Variants in FRMD6 observed in about 807,000 individuals in gnomAD.
The protein encoded by FRMD6 is FERM domain-containing protein 6.
In FRMD6, 37 loss-of-function variants were observed where a neutral mutation model predicts 73.2. That is an observed-to-expected ratio of 0.51 (90% confidence interval 0.39 to 0.66). FRMD6 has a LOEUF of 0.66. Ranked by LOEUF, FRMD6 falls within the 30% of genes least tolerant of loss-of-function variation. The pLI is 0.00. For missense variants in FRMD6, 714 were observed against 780.5 expected (o/e 0.91, Z 1.02); for synonymous variants, 273 against 282.2 (o/e 0.97, Z 0.33).
intron 1 of FRMD6, among the ~76,000 whole-genome samples, chr14:51,517,127 A>C (rs752809527): frequency 6.6e-6 from 1 of 152,226 alleles, no homozygotes; most frequent in African/African-American, 2.4e-5. Context: ...AAAATGCCTA[A>C]AATTTGGAAC....
intron 2 of FRMD6, among the ~76,000 whole-genome samples, chr14:51,618,837 T>C (rs1890810376): frequency 6.6e-6 from 1 of 151,476 alleles, no homozygotes; most frequent in South Asian, 2.1e-4. Flanking sequence ...TATAATACAA[T>C]TATAAATGTA....
intron 2 of FRMD6, among the ~76,000 whole-genome samples, chr14:51,694,929 T>C (rs1431268992): frequency 2.6e-5 from 4 of 152,102 alleles, no homozygotes; most frequent in African/African-American, 9.7e-5. Flanking sequence ...TATTTAATTA[T>C]AGTTTTTGAA....
At chr14:51,611,867 T>C (rs1421976812) in intron 2 of FRMD6, among the ~76,000 whole-genome samples, 1 of 152,166 alleles carries the variant, frequency 6.6e-6, no homozygotes, top group Non-Finnish European at 1.5e-5. Context: ...TGAAACATTA[T>C]GCTAATGAAG....
At chr14:51,484,507 C>T (rs533410269), upstream of FRMD6, among the ~76,000 whole-genome samples, 8 of 152,224 alleles carry the variant, frequency 5.3e-5, no homozygotes, top group African/African-American at 1.7e-4. Flanking sequence ...CTACCACCAC[C>T]AGAATAGCCA....
At chr14:51,615,472 A>T (rs965133335) in intron 2 of FRMD6, among the ~76,000 whole-genome samples, 6 of 152,180 alleles carry the variant, frequency 3.9e-5, no homozygotes, top group Non-Finnish European at 7.4e-5. Context: ...ATGTCCCAAG[A>T]ATTGCCCCAG....
At chr14:51,557,581 T>C (rs1343056406) in intron 1 of FRMD6, among the ~76,000 whole-genome samples, 1 of 152,128 alleles carries the variant, frequency 6.6e-6, no homozygotes, top group East Asian at 1.9e-4. Context: ...GAAACATAAA[T>C]TCAGGACATC....
chr14:51,458,274 C>G, the FRMD6 span, among the ~76,000 whole-genome samples: 2 of 152,180 alleles, frequency 1.3e-5, no homozygotes, highest in Non-Finnish European at 1.5e-5. Flanking sequence ...CCTCTCACCC[C>G]TACCCCAATC....
chr14:51,506,186 C>G (rs780241055), intron 1 of FRMD6, among the ~76,000 whole-genome samples: 3 of 152,174 alleles, frequency 2.0e-5, no homozygotes, highest in Non-Finnish European at 2.9e-5. Flanking sequence ...CTTCACCATT[C>G]CATCAGATCT....
chr14:51,682,995 C>T lies in FRMD6; in HGVS notation c.-146-6696C>T, dbSNP rs537825058. The stretch of plus-strand genomic sequence containing the variant: ...GCAGACTAAAACAGATGTCCTCTAC[C>T]TTCCATTCTTTGGTCAGCCAGCACA... On this transcript the variant is annotated intron_variant, in intron 1 of 13. Coordinates refer to ENST00000344768, the MANE Select transcript of FRMD6 (RefSeq NM_001267046.2). Among the ~76,000 whole-genome samples the T allele has an allele frequency of 3.3e-5, 5 of 152,290 alleles. No homozygotes were observed. In the South Asian group the frequency reaches 1.0e-3, roughly 32 times the overall value.
the FRMD6 span, among the ~76,000 whole-genome samples, chr14:51,441,446 T>C: frequency 1.3e-5 from 2 of 152,190 alleles, no homozygotes; most frequent in African/African-American, 4.8e-5. Context: ...GAAACTGAGG[T>C]TGAGAGTTGT....
At chr14:51,503,245 T>G (rs912812982) in intron 1 of FRMD6, among the ~76,000 whole-genome samples, 1 of 152,004 alleles carries the variant, frequency 6.6e-6, no homozygotes, top group African/African-American at 2.4e-5. Context: ...TGAATAGGAG[T>G]GGTGAGAGGG....
At chr14:51,726,404 C>G (rs1403303322) in intron 13 of FRMD6, among the ~76,000 whole-genome samples, 1 of 152,138 alleles carries the variant, frequency 6.6e-6, no homozygotes, top group East Asian at 1.9e-4. Context: ...GGCCCTAATT[C>G]CTGAGCACTT....
intron 2 of FRMD6, among the ~76,000 whole-genome samples, chr14:51,631,810 C>T (rs1195354414): frequency 6.6e-6 from 1 of 152,130 alleles, no homozygotes; most frequent in African/African-American, 2.4e-5. Flanking sequence ...TAGTTAACAC[C>T]ACAGGGTCTA....
rs28493207 is a variant in FRMD6 at position 51,658,664 on chromosome 14, G to T, written c.-147+6668G>T. Among the ~76,000 whole-genome samples, 780 of 152,148 alleles carry T rather than the reference G, an allele frequency of 5.1e-3. 3 individuals carry two copies. Among genetic ancestry groups the T allele is most frequent in the African/African-American group, 0.017 (723 of 41,488 alleles). The stretch of plus-strand genomic sequence containing the variant: ...CTACTGAGAGCAGCAGTGAAATTCT[G>T]ACGCTAAAATCTGTGGCAGTCTCCA... On this transcript the variant is annotated intron_variant, in intron 1 of 13. Transcript: ENST00000344768.
intron 2 of FRMD6, among the ~76,000 whole-genome samples, chr14:51,591,095 A>G (rs935280370): frequency 1.3e-5 from 2 of 151,854 alleles, no homozygotes; most frequent in Non-Finnish European, 2.9e-5. Context: ...TTGTTTTCGT[A>G]TAAAATTGGA....
At chr14:51,662,119 A>G (rs982891376) in intron 1 of FRMD6, among the ~76,000 whole-genome samples, 1 of 152,214 alleles carries the variant, frequency 6.6e-6, no homozygotes, top group Non-Finnish European at 1.5e-5. Flanking sequence ...TATCTTGAAA[A>G]TACTCATACT....
In FRMD6 at chr14:51,705,034, T is replaced by G. The variant is rs116804133; in HGVS notation, c.558+99T>G. ...TCTTTAAGAAATGGGAACACAGATG[T>G]TCTGTGGCCAAATTCTTTGTGATGC... On this transcript the variant is annotated intron_variant, in intron 6 of 13. Transcript: ENST00000344768. 2.0e-3 allele frequency: 2,162 copies of G among 1,068,784 alleles called. 20 individuals are homozygous for G. In the African/African-American group the frequency reaches 0.029, roughly 14 times the overall value. The allele number at this position is 1,068,784 out of a possible 1,614,324, so 66.2% of individuals were successfully genotyped here.
intron 1 of FRMD6, among the ~76,000 whole-genome samples, chr14:51,680,075 G>A (rs185161121): frequency 7.9e-4 from 120 of 152,186 alleles, no homozygotes; most frequent in African/African-American, 2.7e-3. Flanking sequence ...AAAACAGTCC[G>A]TGGTGTACTA....
the FRMD6 span, among the ~76,000 whole-genome samples, chr14:51,466,489 G>A: frequency 6.6e-6 from 1 of 152,154 alleles, no homozygotes; most frequent in Non-Finnish European, 1.5e-5. Context: ...AGTTGATCCA[G>A]TACCATTTGT....
Sources: gnomAD v4.1 joint callset for allele counts (sites outside exome capture counted in the v4.1 genomes callset) on GRCh38, gnomAD v4.1.1 for gene constraint, MANE v1.5 for transcripts, NCBI Gene and HGNC (gene_info 2026-07-23, HGNC 2026-07-21) for gene names.